The following IL16 variants were observed in gnomAD, a reference collection of about 807,000 sequenced individuals.
The protein encoded by IL16 is pro-interleukin-16.
Under a neutral mutation model 110.1 loss-of-function variants are expected in IL16, and 67 were observed. The ratio of observed to expected loss-of-function variants is 0.61; its 90% confidence interval spans 0.50 to 0.75. The LOEUF is 0.75. IL16 is among the 30% of genes least tolerant of loss of function. IL16 has a pLI of 0.00. For missense variants in IL16, 1,545 were observed against 1,655.0 expected (o/e 0.93, Z 1.15); for synonymous variants, 689 against 662.9 (o/e 1.04, Z -0.61).
At chr15:81,229,168 G>T (rs1401236808) in intron 2 of IL16, among the ~76,000 whole-genome samples, 6 of 152,214 alleles carry the variant, frequency 3.9e-5, no homozygotes, top group Admixed American at 6.5e-5. Context: ...ACAATGCTCA[G>T]AGGATAATGA....
At chr15:81,248,151 T>C (rs932917093) in intron 2 of IL16, among the ~76,000 whole-genome samples, 2 of 152,202 alleles carry the variant, frequency 1.3e-5, no homozygotes, top group Non-Finnish European at 2.9e-5. Context: ...ATAATTTATA[T>C]CCTGAGTTTA....
In IL16 at chr15:81,300,339, C is replaced by T; in HGVS notation, c.3013C>T (p.Leu1005Phe). 2 of 1,614,158 alleles carry T rather than the reference C, an allele frequency of 1.2e-6. No homozygotes were observed. The highest frequency in any genetic ancestry group is 1.7e-6 in the Non-Finnish European group (2 of 1,180,024). ...SSAVMKSLLC[L>F]PSSISCAQTP... Reference sequence around the variant, plus strand: ...GGCTGTCATGAAATCCTTGCTGTGCCTTCCATCTTCTATCTCCTGTGCCCA... The same window carrying T: ...GGCTGTCATGAAATCCTTGCTGTGCTTTCCATCTTCTATCTCCTGTGCCCA... Residue 1005 changes from leucine (L) to phenylalanine (F), a missense_variant, in exon 14 of 19, where the codon CTT becomes TTT. Leu to Phe is a conservative substitution (Grantham distance 22, BLOSUM62 0). Coordinates refer to ENST00000683961, the MANE Select transcript of IL16 (RefSeq NM_172217.5).
intron 2 of IL16, among the ~76,000 whole-genome samples, chr15:81,259,033 A>G (rs964919098): frequency 6.6e-6 from 1 of 152,150 alleles, no homozygotes; most frequent in African/African-American, 2.4e-5. Flanking sequence ...AAATTAACAT[A>G]TATATATTTG....
chr15:81,299,275 C>A (rs758302597), intron 13 of IL16, 105 bp from the exon 14 acceptor site: 11 of 1,590,206 alleles, frequency 6.9e-6, no homozygotes, highest in Non-Finnish European at 9.4e-6. Context: ...CTGCTAATCT[C>A]CTCCTCTTGA....
rs1224206930 is a variant in IL16, at chr15:81,246,722, T to A, written c.313-13050T>A. 2.0e-5 allele frequency among the ~76,000 whole-genome samples: 3 copies of A among 152,218 alleles called. No homozygotes were observed. The East Asian group carries it at 5.8e-4, about 29-fold the overall frequency. ...ACCCTTCTAAAATGTGAGGTGTGGT[T>A]TCTCATTATCTACATTCTGGAATTC... is the stretch of plus-strand genomic sequence containing the variant. On this transcript the variant is annotated intron_variant, in intron 2 of 18. Coordinates refer to ENST00000683961, the MANE Select transcript of IL16 (RefSeq NM_172217.5).
intron 1 of IL16, among the ~76,000 whole-genome samples, chr15:81,200,615 C>T (rs562554575): frequency 6.6e-6 from 1 of 152,324 alleles, no homozygotes; most frequent in East Asian, 1.9e-4. Flanking sequence ...GAGTGATCTG[C>T]TCGCCTCAAC....
rs1567024308 is a variant in IL16 at position 81,263,358 on chromosome 15, T to TTTG, written c.422-2299_422-2298insGTT. ...CCTTTCAAAAACTATTTTTTTTTGT[T>TTTG]TTTTTTTTTTTTGCATTGGGTTGTA... On this transcript the variant is annotated intron_variant, in intron 3 of 18. Coordinates refer to ENST00000683961, the MANE Select transcript of IL16 (RefSeq NM_172217.5). Among the ~76,000 whole-genome samples, 601 of 145,860 alleles carry TTTG rather than the reference T, an allele frequency of 4.1e-3. 5 individuals are homozygous for TTTG. Among genetic ancestry groups the TTTG allele is most frequent in the African/African-American group, 0.015 (560 of 36,848 alleles).
chr15:81,212,009 TTC>T (rs1896262208), intron 1 of IL16, among the ~76,000 whole-genome samples: 1 of 152,200 alleles, frequency 6.6e-6, no homozygotes, highest in East Asian at 1.9e-4. Context: ...TGATTGTGGC[TTC>T]ATAGGATAAG....
intron 1 of IL16, among the ~76,000 whole-genome samples, chr15:81,184,621 G>A (rs1895391912): frequency 6.6e-6 from 1 of 152,202 alleles, no homozygotes; most frequent in Non-Finnish European, 1.5e-5. Context: ...GAACACCTCG[G>A]TCCAGGGGTG....
At chr15:81,270,686 A>G (rs116578313) in intron 5 of IL16, among the ~76,000 whole-genome samples, 84 of 152,220 alleles carry the variant, frequency 5.5e-4, no homozygotes, top group African/African-American at 1.9e-3. Context: ...TTGACTTTTA[A>G]ATTGTTTGCA....
chr15:81,258,709 C>A (rs1176677226), intron 2 of IL16, among the ~76,000 whole-genome samples: 1 of 151,796 alleles, frequency 6.6e-6, no homozygotes, highest in Non-Finnish European at 1.5e-5. Context: ...GACCTGCTCT[C>A]TCTCTGTCAC....
At chr15:81,306,699 T>C (rs1900584760) in intron 18 of IL16, 154 bp downstream of exon 18, 3 of 852,246 alleles carry the variant, frequency 3.5e-6, no homozygotes, top group Non-Finnish European at 5.8e-6. Context: ...TCAATTCTGC[T>C]TTTTCTACTT....
At chr15:81,207,464 C>CT (rs947341490) in intron 1 of IL16, among the ~76,000 whole-genome samples, 2 of 152,016 alleles carry the variant, frequency 1.3e-5, no homozygotes, top group Non-Finnish European at 2.9e-5. Context: ...TATATTACAA[C>CT]TAGATAGTGA....
intron 2 of IL16, among the ~76,000 whole-genome samples, chr15:81,231,358 CT>C (rs1260022657): frequency 2.1e-5 from 3 of 145,456 alleles, no homozygotes; most frequent in African/African-American, 7.6e-5. Context: ...CTCTCTCTCT[CT>C]CTCTCTCTCT....
chr15:81,299,624 C>T lies in IL16; in HGVS notation c.2298C>T (p.Gly766=), dbSNP rs780576874. The T allele has an allele frequency of 1.9e-6, 3 of 1,614,208 alleles. No homozygotes were observed. The South Asian group carries it at 3.3e-5, about 18-fold the overall frequency. Residue 766 remains glycine, a synonymous_variant, in exon 14 of 19, where the codon GGC becomes GGT. Coordinates refer to ENST00000683961, the MANE Select transcript of IL16 (RefSeq NM_172217.5). ...GTPPKLDTAN[G]TPKVYKSADS... Reference sequence around the variant, plus strand: ...CACCAAAGCTGGACACCGCCAATGGCACTCCCAAAGTTTACAAGTCAGCAG... The same window carrying T: ...CACCAAAGCTGGACACCGCCAATGGTACTCCCAAAGTTTACAAGTCAGCAG...
intron 1 of IL16, among the ~76,000 whole-genome samples, chr15:81,190,965 A>C (rs1440588680): frequency 6.6e-6 from 1 of 152,188 alleles, no homozygotes; most frequent in Non-Finnish European, 1.5e-5. Context: ...GCTCTTATAC[A>C]AGGAACAGTA....
rs747521474 is a variant in IL16, at chr15:81,299,375, T to C, written c.2054-5T>C. ...CACAGCTTTGGCCTTGTTTCTGCAC[T>C]GTAGTGACCCAAACATCCCCGATAA... On this transcript the variant is annotated splice_region_variant and splice_polypyrimidine_tract_variant and intron_variant, in intron 13 of 18. Transcript: ENST00000683961. 8.1e-6 allele frequency: 13 copies of C among 1,611,430 alleles called. No individual in the cohort carries two copies. The highest frequency in any genetic ancestry group is 2.2e-5 in the South Asian group (2 of 91,092).
At chr15:81,265,584 T>A in intron 3 of IL16, 75 bp from the exon 4 acceptor site, 3 of 1,527,452 alleles carry the variant, frequency 2.0e-6, no homozygotes, top group Non-Finnish European at 2.7e-6. Context: ...AATGAGGGGC[T>A]GATATTGTTC....
At chr15:81,224,031 C>T (rs1349672143) in intron 1 of IL16, among the ~76,000 whole-genome samples, 3 of 152,188 alleles carry the variant, frequency 2.0e-5, no homozygotes, top group Non-Finnish European at 2.9e-5. Context: ...TGTAGACTTT[C>T]AATCAATCAT....
Sources: allele counts gnomAD v4.1 joint callset (sites outside exome capture counted in the v4.1 genomes callset), GRCh38; gene constraint gnomAD v4.1.1; transcripts MANE v1.5; gene names NCBI Gene and HGNC (gene_info 2026-07-23, HGNC 2026-07-21).